RORA: variants seen among roughly 807,000 people sequenced by gnomAD.
The protein encoded by RORA is nuclear receptor ROR-alpha.
A neutral mutation model predicts 69.5 loss-of-function variants in RORA; 7 were observed. The observed-to-expected ratio is 0.10, with a 90% CI of 0.06 to 0.19. The LOEUF (loss-of-function observed/expected upper bound fraction) is 0.19, where lower values mean the gene tolerates loss of function less well. Among genes scored for constraint, RORA ranks in the 10% least tolerant of loss-of-function variants. RORA has a pLI of 1.00. For missense variants in RORA, 457 were observed against 663.0 expected (o/e 0.69, Z 3.41); for synonymous variants, 261 against 240.8 (o/e 1.08, Z -0.78).
chr15:60,802,801 G>A (rs1034339643), intron 1 of RORA, among the ~76,000 whole-genome samples: 3 of 152,112 alleles, frequency 2.0e-5, no homozygotes, highest in Non-Finnish European at 4.4e-5. Flanking sequence ...TTCATTTACT[G>A]CTTAGCCTCA....
intron 1 of RORA, among the ~76,000 whole-genome samples, chr15:61,135,074 A>G (rs2079223974): frequency 6.6e-6 from 1 of 151,326 alleles, no homozygotes; most frequent in Non-Finnish European, 1.5e-5. Flanking sequence ...CTGGGAGGCT[A>G]AGGCAGGCAG....
In RORA at chr15:60,572,321, T is replaced by A. The variant is rs75939644; in HGVS notation, c.197-40470A>T. ...GTGTATGTTGGGGGAAAGAACCCCA[T>A]AAGAAACCTACCAGAAAATGGGCAT... On this transcript the variant is annotated intron_variant, in intron 2 of 10. Transcript: ENST00000335670. Among the ~76,000 whole-genome samples the A allele has an allele frequency of 2.0e-5, 3 of 152,082 alleles. No homozygotes were observed. The South Asian group carries it at 6.2e-4, about 32-fold the overall frequency.
rs898417456 is a variant in RORA, at chr15:61,172,923, C to T, written c.166+56130G>A. On this transcript the variant is annotated intron_variant, in intron 1 of 10. Coordinates refer to ENST00000335670, the MANE Select transcript of RORA (RefSeq NM_134261.3). ...CTTTGAGAAGCCTCTGCAAGTTTTTCACCTTCAAGCCTCCTGCGTTATTAC... is the reference window on the plus strand; with the variant it reads ...CTTTGAGAAGCCTCTGCAAGTTTTTTACCTTCAAGCCTCCTGCGTTATTAC... Among the ~76,000 whole-genome samples, 18 of 152,184 alleles carry T rather than the reference C, an allele frequency of 1.2e-4. No individual in the cohort carries two copies. In the East Asian group the frequency reaches 3.3e-3, roughly 28 times the overall value.
At chr15:60,541,518 A>G (rs2066871732) in intron 2 of RORA, among the ~76,000 whole-genome samples, 1 of 152,264 alleles carries the variant, frequency 6.6e-6, no homozygotes, top group African/African-American at 2.4e-5. Flanking sequence ...ATTTGTGGAT[A>G]GCTGAAGCAC....
chr15:60,709,237 A>T (rs1026447475), intron 1 of RORA, among the ~76,000 whole-genome samples: 1 of 152,248 alleles, frequency 6.6e-6, no homozygotes, highest in African/African-American at 2.4e-5. Flanking sequence ...ATTAACAGCT[A>T]CTACCATTCA....
At chr15:60,723,202 C>T (rs1270965182) in intron 1 of RORA, among the ~76,000 whole-genome samples, 1 of 152,106 alleles carries the variant, frequency 6.6e-6, no homozygotes, top group Admixed American at 6.6e-5. Context: ...TATAAAAAGG[C>T]TAACCATTAT....
chr15:60,699,627 TA>T lies in RORA; in HGVS notation c.167-20942del, dbSNP rs146324213. Among the ~76,000 whole-genome samples, 1,329 of 152,344 alleles carry T rather than the reference TA, an allele frequency of 8.7e-3. 24 individuals are homozygous for T. Among genetic ancestry groups the T allele is most frequent in the African/African-American group, 0.031 (1,279 of 41,572 alleles). On this transcript the variant is annotated intron_variant, in intron 1 of 10. Coordinates refer to ENST00000335670, the MANE Select transcript of RORA (RefSeq NM_134261.3). ...ACTTCTTAAATTTGTTTTTACTGAG[TA>T]AACCTGGGCAAGTTTCCTGACTTCT...
At chr15:60,578,311 A>G (rs2068088439) in intron 2 of RORA, among the ~76,000 whole-genome samples, 1 of 152,220 alleles carries the variant, frequency 6.6e-6, no homozygotes, top group African/African-American at 2.4e-5. Flanking sequence ...TCAAGGAATT[A>G]TGTTGATTAA....
At chr15:60,991,089 T>A (rs537015996) in intron 1 of RORA, among the ~76,000 whole-genome samples, 2 of 152,314 alleles carry the variant, frequency 1.3e-5, no homozygotes, top group Admixed American at 6.5e-5. Context: ...GTAAAATTTT[T>A]AAAAATGAAT....
intron 1 of RORA, among the ~76,000 whole-genome samples, chr15:61,001,936 A>G (rs1894759278): frequency 2.0e-5 from 3 of 152,234 alleles, no homozygotes; most frequent in Admixed American, 2.0e-4. Flanking sequence ...GCAGGAGGAA[A>G]GAAGACAGTC....
chr15:60,874,906 T>C (rs2073596966), intron 1 of RORA, among the ~76,000 whole-genome samples: 1 of 152,050 alleles, frequency 6.6e-6, no homozygotes, highest in African/African-American at 2.4e-5. Context: ...TGAATAATAC[T>C]ATCTACACCT....
intron 1 of RORA, among the ~76,000 whole-genome samples, chr15:60,873,796 T>C (rs899953765): frequency 6.6e-6 from 1 of 152,194 alleles, no homozygotes; most frequent in Non-Finnish European, 1.5e-5. Context: ...GTTGCTGTTT[T>C]AAACATTCCC....
chr15:60,797,768 G>A (rs950391547), intron 1 of RORA, among the ~76,000 whole-genome samples: 5 of 152,070 alleles, frequency 3.3e-5, no homozygotes, highest in African/African-American at 1.2e-4. Flanking sequence ...CCCTAGATCT[G>A]GATGGGCTCA....
At chr15:60,659,165 A>G (rs1482221952) in intron 2 of RORA, among the ~76,000 whole-genome samples, 3 of 152,238 alleles carry the variant, frequency 2.0e-5, no homozygotes, top group Non-Finnish European at 4.4e-5. Flanking sequence ...TCTGACACTC[A>G]GTCACTGGTC....
At chr15:61,022,774 T>C (rs1240226097) in intron 1 of RORA, among the ~76,000 whole-genome samples, 1 of 152,204 alleles carries the variant, frequency 6.6e-6, no homozygotes, top group East Asian at 1.9e-4. Context: ...GTGGTTTTGC[T>C]GTCTGGAGGT....
chr15:60,867,241 G>C (rs901298138), intron 1 of RORA, among the ~76,000 whole-genome samples: 5 of 152,168 alleles, frequency 3.3e-5, no homozygotes, highest in African/African-American at 9.7e-5. Flanking sequence ...GTTCTAGTAA[G>C]TGACTGAGCC....
chr15:61,026,638 C>A (rs1523523), intron 1 of RORA, among the ~76,000 whole-genome samples: 1 of 152,088 alleles, frequency 6.6e-6, no homozygotes, highest in African/African-American at 2.4e-5. Context: ...TTTGTGCCTT[C>A]ACCAATTCTA....
chr15:61,039,898 T>G (rs1226371654), intron 1 of RORA, among the ~76,000 whole-genome samples: 3 of 151,514 alleles, frequency 2.0e-5, no homozygotes, highest in African/African-American at 7.3e-5. Flanking sequence ...GGAATCTGCC[T>G]TTTTAACAAA....
intron 1 of RORA, among the ~76,000 whole-genome samples, chr15:61,047,865 T>C (rs779134668): frequency 6.6e-6 from 1 of 152,210 alleles, no homozygotes; most frequent in African/African-American, 2.4e-5. Context: ...GGAGATATCA[T>C]CATTCATTCA....
Sources: gnomAD v4.1 joint callset for allele counts (sites outside exome capture counted in the v4.1 genomes callset) on GRCh38, gnomAD v4.1.1 for gene constraint, MANE v1.5 for transcripts, NCBI Gene and HGNC (gene_info 2026-07-23, HGNC 2026-07-21) for gene names.